HRH1: variants seen among roughly 807,000 people sequenced by gnomAD.
HRH1 encodes histamine H1 receptor.
Under a neutral mutation model 10.3 loss-of-function variants are expected in HRH1, and 6 were observed. That is an observed-to-expected ratio of 0.58 (90% CI 0.32 to 1.15). HRH1 has a LOEUF of 1.15. HRH1 is among the 50% of genes most tolerant of loss of function. HRH1 has a pLI of 0.05. For missense variants in HRH1, 514 were observed against 615.3 expected (o/e 0.84, Z 1.74); for synonymous variants, 242 against 236.7 (o/e 1.02, Z -0.21).
At chr3:11,235,603 G>T (rs1408561740) in intron 1 of HRH1, among the ~76,000 whole-genome samples, 4 of 152,218 alleles carry the variant, frequency 2.6e-5, no homozygotes, top group South Asian at 2.1e-4. Context: ...CACCATGGGG[G>T]TGGGTGCAGG....
At position 11,147,396 on chromosome 3, in the gene HRH1, A is replaced by G. The variant is rs190021619; in HGVS notation, c.-36+9997A>G. ...ATACACATTGGCTGCTCTATGAGAT[A>G]GGACTATGAACATCCCACTTTATAG... On this transcript the variant is annotated intron_variant, in intron 1 of 1. Transcript: ENST00000438284. Among the ~76,000 whole-genome samples the G allele has an allele frequency of 4.3e-4, 65 of 152,352 alleles. 1 individual carries two copies. The highest frequency in any genetic ancestry group is 3.1e-3 in the East Asian group (16 of 5,192).
At chr3:11,177,418 C>A (rs1396603237) in intron 1 of HRH1, among the ~76,000 whole-genome samples, 1 of 152,196 alleles carries the variant, frequency 6.6e-6, no homozygotes, top group African/African-American at 2.4e-5. Flanking sequence ...TTGAAATGCA[C>A]TTCCCTCATT....
intron 1 of HRH1, among the ~76,000 whole-genome samples, chr3:11,205,574 A>G (rs1874959): frequency 0.25 from 37,410 of 152,046 alleles, 4,766 homozygotes; most frequent in East Asian, 0.38. Context: ...CGCATGGCAC[A>G]TGAATGATGT....
intron 1 of HRH1, among the ~76,000 whole-genome samples, chr3:11,190,768 T>TTGAGCCGTGAGGTTGAGACTGCAG (rs1937519931): frequency 6.6e-6 from 1 of 152,118 alleles, no homozygotes; most frequent in Admixed American, 6.5e-5. Context: ...GGAGGATCGC[T>TTGAGCCGTGAGGTTGAGACTGCAG]TGAGCCGTGA....
chr3:11,137,597 A>C (rs1439148029), intron 1 of HRH1, among the ~76,000 whole-genome samples: 7 of 152,056 alleles, frequency 4.6e-5, no homozygotes, highest in Admixed American at 1.3e-4. Context: ...ACAAGGTGGG[A>C]GGAGTCATCA....
At chr3:11,137,659 A>AT (rs1936209215) in intron 1 of HRH1, among the ~76,000 whole-genome samples, 2 of 152,238 alleles carry the variant, frequency 1.3e-5, no homozygotes, top group East Asian at 3.9e-4. Flanking sequence ...GAGTCCAGTC[A>AT]GCCCCCAGTG....
rs372409917 is a variant in HRH1, at chr3:11,185,871, T to C, written c.-36+31317T>C. 5.5e-4 allele frequency among the ~76,000 whole-genome samples: 84 copies of C among 152,338 alleles called. 2 individuals are homozygous for C. In the South Asian group the frequency reaches 0.016, roughly 30 times the overall value. On this transcript the variant is annotated intron_variant, in intron 1 of 1. Coordinates refer to ENST00000431010, the MANE Select transcript of HRH1 (RefSeq NM_001098212.2). ...GTTGTTTACGGTAACTTCTGGGCTC[T>C]GTGCCTGACTTCCCAGGGCTCCGGC... is the stretch of plus-strand genomic sequence containing the variant.
chr3:11,229,913 G>A (rs1221029897), intron 1 of HRH1, among the ~76,000 whole-genome samples: 1 of 152,186 alleles, frequency 6.6e-6, no homozygotes, highest in East Asian at 1.9e-4. Context: ...ATGGGAATAA[G>A]TTAGTAACTG....
intron 1 of HRH1, among the ~76,000 whole-genome samples, chr3:11,171,123 C>CTTT (rs200795325): frequency 0.11 from 16,194 of 142,106 alleles, 1,529 homozygotes; most frequent in African/African-American, 0.25. Context: ...TTTTTCTTTT[C>CTTT]TTTTTTTTTT....
At chr3:11,243,175 A>G (rs1273578527) in intron 1 of HRH1, among the ~76,000 whole-genome samples, 1 of 152,186 alleles carries the variant, frequency 6.6e-6, no homozygotes, top group African/African-American at 2.4e-5. Flanking sequence ...TGGCCTCCCA[A>G]AGTGCTGGGA....
chr3:11,205,153 G>A (rs1938070632), intron 1 of HRH1, among the ~76,000 whole-genome samples: 2 of 152,326 alleles, frequency 1.3e-5, no homozygotes, highest in East Asian at 3.9e-4. Flanking sequence ...GAGGAGATGG[G>A]AATGTATGCA....
intron 1 of HRH1, among the ~76,000 whole-genome samples, chr3:11,241,065 T>C (rs1939323696): frequency 6.6e-6 from 1 of 152,220 alleles, no homozygotes. Flanking sequence ...ATTGAAGGAA[T>C]CTATATTTTG....
At chr3:11,155,878 C>T (rs1397147612) in intron 1 of HRH1, among the ~76,000 whole-genome samples, 1 of 152,158 alleles carries the variant, frequency 6.6e-6, no homozygotes, top group African/African-American at 2.4e-5. Flanking sequence ...CCCATCACAG[C>T]ATTCTTGGAA....
chr3:11,180,465 T>C (rs1453154433), intron 1 of HRH1, among the ~76,000 whole-genome samples: 1 of 152,186 alleles, frequency 6.6e-6, no homozygotes, highest in Admixed American at 6.5e-5. Context: ...GGGAATCTAA[T>C]GCCACTGCTG....
intron 1 of HRH1, among the ~76,000 whole-genome samples, chr3:11,159,250 AAAAAC>A (rs1936879300): frequency 6.6e-6 from 1 of 152,214 alleles, no homozygotes; most frequent in South Asian, 2.1e-4. Flanking sequence ...TCTGTCTCAA[AAAAAC>A]AAAACAAAAA....
chr3:11,248,564 C>T (rs758505221), intron 1 of HRH1, among the ~76,000 whole-genome samples: 6 of 152,194 alleles, frequency 3.9e-5, no homozygotes, highest in Non-Finnish European at 8.8e-5. Flanking sequence ...GAGTACCCAG[C>T]GATAGTCCCC....
intron 1 of HRH1, among the ~76,000 whole-genome samples, chr3:11,207,347 G>A (rs574931904): frequency 4.7e-4 from 71 of 152,094 alleles, no homozygotes; most frequent in Non-Finnish European, 8.8e-4. Context: ...GGTGGATCAC[G>A]AGGTCAGGAG....
intron 1 of HRH1, among the ~76,000 whole-genome samples, chr3:11,188,445 C>T (rs930197469): frequency 6.6e-6 from 1 of 152,066 alleles, no homozygotes; most frequent in Non-Finnish European, 1.5e-5. Context: ...ATGGTGGCAC[C>T]TTAGAAGGCT....
At chr3:11,257,836 G>C (rs1018111) in intron 1 of HRH1, among the ~76,000 whole-genome samples, 34,781 of 151,946 alleles carry the variant, frequency 0.23, 4,218 homozygotes, top group South Asian at 0.37. Context: ...TCATTGTAAA[G>C]ACAGGATTCC....
Sources: allele counts gnomAD v4.1 joint callset (sites outside exome capture counted in the v4.1 genomes callset), GRCh38; gene constraint gnomAD v4.1.1; transcripts MANE v1.5; gene names NCBI Gene and HGNC (gene_info 2026-07-23, HGNC 2026-07-21).